Variants in SUPT3H observed in about 807,000 individuals in gnomAD.
SUPT3H encodes the protein SPT3 homolog, SAGA and STAGA complex component.
In SUPT3H, 44 loss-of-function variants were observed where a neutral mutation model predicts 44.3. That is an observed-to-expected ratio of 0.99 (90% CI 0.78 to 1.28). The LOEUF (loss-of-function observed/expected upper bound fraction) is 1.28, where lower values mean the gene tolerates loss of function less well. Ranked by LOEUF, SUPT3H falls within the 50% of genes most tolerant of loss-of-function variation. The pLI, the probability that SUPT3H is intolerant of heterozygous loss-of-function variation, is 0.00. For missense variants in SUPT3H, 380 were observed against 387.1 expected (o/e 0.98, Z 0.15); for synonymous variants, 124 against 125.6 (o/e 0.99, Z 0.09).
At chr6:45,011,911 G>T (rs954749380) in intron 5 of SUPT3H, among the ~76,000 whole-genome samples, 4 of 151,578 alleles carry the variant, frequency 2.6e-5, no homozygotes, top group Non-Finnish European at 5.9e-5. Flanking sequence ...AATGTATTTT[G>T]CATTCATTTT....
intron 2 of SUPT3H, among the ~76,000 whole-genome samples, chr6:45,281,525 G>A (rs1249962601): frequency 1.3e-5 from 2 of 152,200 alleles, no homozygotes; most frequent in African/African-American, 4.8e-5. Flanking sequence ...AAACTGCAAG[G>A]TGGCAGCGAG....
In SUPT3H at chr6:45,158,290, A is replaced by T. The variant is rs1308848183; in HGVS notation, c.102-52284T>A. ...TATAAATATACATATATATATATAT[A>T]TATATATATTTTTTTTTTTTTTTTT... is the stretch of plus-strand genomic sequence containing the variant. On this transcript the variant is annotated intron_variant, in intron 2 of 10. Transcript: ENST00000371459. 6.2e-3 allele frequency among the ~76,000 whole-genome samples: 248 copies of T among 39,796 alleles called. 6 individuals are homozygous for T. Among genetic ancestry groups the T allele is most frequent in the Non-Finnish European group, 9.9e-3 (183 of 18,498 alleles). The allele number at this position is 39,796 out of a possible 152,430, so 26.1% of individuals were successfully genotyped here. A position where few individuals can be genotyped will look rare whatever the true frequency, so the allele number is the denominator to read the frequency against.
chr6:44,986,553 T>C (rs1273729397), intron 6 of SUPT3H, among the ~76,000 whole-genome samples: 1 of 152,156 alleles, frequency 6.6e-6, no homozygotes. Context: ...TCGAAATCTT[T>C]ACAATACTTT....
intron 2 of SUPT3H, among the ~76,000 whole-genome samples, chr6:45,175,570 G>T (rs1329656974): frequency 1.3e-5 from 2 of 152,140 alleles, no homozygotes; most frequent in Admixed American, 1.3e-4. Context: ...CTCCTAAATG[G>T]AAGAGGTTTG....
chr6:45,163,261 T>C (rs993572313), intron 2 of SUPT3H, among the ~76,000 whole-genome samples: 30 of 152,180 alleles, frequency 2.0e-4, no homozygotes, highest in Non-Finnish European at 1.8e-4. Flanking sequence ...GTACAATTCA[T>C]TTCACTGCTA....
chr6:44,896,161 A>C (rs1764103467), intron 10 of SUPT3H, among the ~76,000 whole-genome samples: 1 of 152,054 alleles, frequency 6.6e-6, no homozygotes, highest in Non-Finnish European at 1.5e-5. Context: ...AAACCAGGTA[A>C]CGAGGTTTGA....
chr6:45,324,873 A>T (rs1786107765), intron 2 of SUPT3H, among the ~76,000 whole-genome samples: 1 of 152,008 alleles, frequency 6.6e-6, no homozygotes, highest in Admixed American at 6.6e-5. Flanking sequence ...ACAAATGTGC[A>T]TGCAGTTGTG....
intron 2 of SUPT3H, among the ~76,000 whole-genome samples, chr6:45,316,194 G>C (rs550823725): frequency 2.0e-5 from 3 of 152,196 alleles, no homozygotes; most frequent in African/African-American, 7.2e-5. Flanking sequence ...GAGTGAAGTG[G>C]GGGATAAAAG....
chr6:45,128,557 T>TACACACACAC (rs1173091186), intron 2 of SUPT3H, among the ~76,000 whole-genome samples: 1 of 56,734 alleles, frequency 1.8e-5, no homozygotes, highest in African/African-American at 8.0e-5. Context: ...TATATATATA[T>TACACACACAC]ACACACACAC....
At chr6:44,817,108 T>TCA (rs35760659) in intron 11 of SUPT3H, among the ~76,000 whole-genome samples, 66,381 of 149,718 alleles carry the variant, frequency 0.44, 14,831 homozygotes, top group Admixed American at 0.5. Context: ...ACATACATAT[T>TCA]CACACACACA....
At chr6:44,886,602 G>C (rs1356748805) in intron 10 of SUPT3H, among the ~76,000 whole-genome samples, 1 of 152,000 alleles carries the variant, frequency 6.6e-6, no homozygotes, top group Non-Finnish European at 1.5e-5. Flanking sequence ...TGCCCTAAAA[G>C]AGCTCCTGAA....
At chr6:44,860,957 C>T (rs1207031180) in intron 10 of SUPT3H, among the ~76,000 whole-genome samples, 1 of 151,866 alleles carries the variant, frequency 6.6e-6, no homozygotes, top group Non-Finnish European at 1.5e-5. Context: ...TTTTCTTTTG[C>T]CAATGATGTA....
chr6:45,053,645 T>A (rs965029298), intron 3 of SUPT3H, among the ~76,000 whole-genome samples: 1 of 142,814 alleles, frequency 7.0e-6, no homozygotes, highest in Non-Finnish European at 1.5e-5. Flanking sequence ...ATGCCTGTAA[T>A]CCCAGCACTT....
chr6:45,148,346 G>A (rs1806415943), intron 2 of SUPT3H, among the ~76,000 whole-genome samples: 1 of 152,100 alleles, frequency 6.6e-6, no homozygotes, highest in Admixed American at 6.6e-5. Context: ...GTTAAGTAAT[G>A]TGCAAAGCTA....
intron 2 of SUPT3H, among the ~76,000 whole-genome samples, chr6:45,223,632 T>C (rs1718706398): frequency 6.6e-6 from 1 of 151,930 alleles, no homozygotes; most frequent in Non-Finnish European, 1.5e-5. Context: ...CAATTAATCT[T>C]ACCCTCTTAT....
At chr6:45,124,569 C>T (rs1216644851) in intron 2 of SUPT3H, among the ~76,000 whole-genome samples, 3 of 151,150 alleles carry the variant, frequency 2.0e-5, no homozygotes, top group East Asian at 1.9e-4. Flanking sequence ...CCCTTGAACC[C>T]GGGACGCGGA....
At chr6:44,885,986 C>T (rs7768241) in intron 10 of SUPT3H, among the ~76,000 whole-genome samples, 5 of 151,644 alleles carry the variant, frequency 3.3e-5, no homozygotes, top group Admixed American at 6.6e-5. Context: ...CCTCAGGAGC[C>T]GATTAGATCA....
intron 10 of SUPT3H, among the ~76,000 whole-genome samples, chr6:44,928,442 C>T (rs947393203): frequency 6.6e-6 from 1 of 152,064 alleles, no homozygotes; most frequent in East Asian, 1.9e-4. Flanking sequence ...GTGTGTATTT[C>T]AGGAGAAAGT....
chr6:45,144,581 C>T (rs565745570), intron 2 of SUPT3H, among the ~76,000 whole-genome samples: 32 of 151,978 alleles, frequency 2.1e-4, no homozygotes, highest in Middle Eastern at 3.4e-3. Context: ...AGAATTATCC[C>T]GAGAAATGGA....
Sources: allele counts gnomAD v4.1 joint callset (sites outside exome capture counted in the v4.1 genomes callset), GRCh38; gene constraint gnomAD v4.1.1; transcripts MANE v1.5; gene names NCBI Gene and HGNC (gene_info 2026-07-23, HGNC 2026-07-21).